CYBC1: variants seen among roughly 807,000 people sequenced by gnomAD.
The protein encoded by CYBC1 is essential for reactive oxygen species protein.
A neutral mutation model predicts 21.7 loss-of-function variants in CYBC1; 22 were observed. The ratio of observed to expected loss-of-function variants is 1.02; its 90% CI spans 0.73 to 1.45. The LOEUF (loss-of-function observed/expected upper bound fraction) is 1.45. Among genes scored for constraint, CYBC1 ranks in the 40% most tolerant of loss-of-function variants. CYBC1 has a pLI of 0.00. For synonymous variants in CYBC1, 112 were observed against 98.7 expected (o/e 1.13, Z -0.80); for missense variants, 237 against 242.1 (o/e 0.98, Z 0.14).
At chr17:82,450,602 C>T (rs2054534703) in intron 1 of CYBC1, 98 bp downstream of exon 1, 2 of 152,254 alleles carry the variant, frequency 1.3e-5, no homozygotes, top group Non-Finnish European at 2.9e-5. Flanking sequence ...GCAGGCGGGC[C>T]CAGGACGCAG....
At chr17:82,444,868 T>G (rs1486647742) in intron 5 of CYBC1, 2 of 459,830 alleles carry the variant, frequency 4.3e-6, no homozygotes, top group East Asian at 7.4e-5. Flanking sequence ...GGGGACCCGC[T>G]CAGCGCGAGG....
intron 4 of CYBC1, 24 bp from the exon 5 acceptor site, chr17:82,445,984 A>G (rs2054264495): frequency 6.2e-7 from 1 of 1,605,494 alleles, no homozygotes; most frequent in Admixed American, 1.7e-5. Flanking sequence ...TGCACTGACC[A>G]CCATGAACCT....
chr17:82,449,153 G>A lies in CYBC1; in HGVS notation c.85+17C>T. ...TTCCGGTTCTGGGGTTCTGGGGAGG[G>A]ACGTGGAGAGCCTTACCAACCAGCA... On this transcript the variant is annotated intron_variant, in intron 2 of 6. Transcript: ENST00000306645. 6.5e-7 allele frequency: 1 copy of A among 1,545,880 alleles called. No individual in the cohort carries two copies. Among genetic ancestry groups the A allele is most frequent in the Non-Finnish European group, 8.7e-7 (1 of 1,147,424 alleles).
chr17:82,447,744 T>G, intron 2 of CYBC1, 123 bp from the exon 3 acceptor site: 2 of 883,402 alleles, frequency 2.3e-6, no homozygotes, highest in Non-Finnish European at 1.8e-6. Context: ...ACAGCTGTGG[T>G]CAGGGGTTAC....
intron 3 of CYBC1, chr17:82,447,331 T>G (rs370597184): frequency 3.2e-5 from 17 of 533,442 alleles, no homozygotes; most frequent in African/African-American, 6.1e-5. Context: ...CCAGCCTGGG[T>G]GACAGAGCGA....
At chr17:82,447,160 C>G (rs867388468) in intron 3 of CYBC1, 5 of 298,992 alleles carry the variant, frequency 1.7e-5, no homozygotes, top group Admixed American at 5.0e-5. Flanking sequence ...GAGACCATCC[C>G]GGCTAAAACG....
At chr17:82,444,898 T>G in intron 5 of CYBC1, 1 of 291,168 alleles carries the variant, frequency 3.4e-6, no homozygotes, top group Non-Finnish European at 6.5e-6. Flanking sequence ...CACTGCACTG[T>G]TCCTCCAGGT....
rs913590337 is a variant in CYBC1 at position 82,447,214 on chromosome 17, G to A, written c.127+366C>T. On this transcript the variant is annotated intron_variant, in intron 3 of 6. Transcript: ENST00000306645. ...TAAAAATACAAAAAATTAGCCGGGC[G>A]TAGTGGCGGGCGCCTGTAGTCCCAG... 2.0e-3 allele frequency: 708 copies of A among 347,960 alleles called. 6 individuals carry two copies. Among genetic ancestry groups the A allele is most frequent in the African/African-American group, 0.015 (673 of 45,708 alleles). 21.6% of individuals were successfully genotyped at this position (347,960 alleles called of 1,614,324 possible).
In CYBC1 at chr17:82,446,618, C is replaced by A. The variant is rs746747466; in HGVS notation, c.201+5G>T. 2 of 1,614,130 alleles carry A rather than the reference C, an allele frequency of 1.2e-6. No homozygotes were observed. The highest frequency in any genetic ancestry group is 1.7e-6 in the Non-Finnish European group (2 of 1,180,006). The stretch of plus-strand genomic sequence containing the variant: ...GACTCTGTCCCGCACCCGAGCCGGC[C>A]TTACCTCCCAGTCCTCCAAGTTCTG... On this transcript the variant is annotated splice_donor_5th_base_variant and intron_variant, in intron 4 of 6. Coordinates refer to ENST00000306645, the MANE Select transcript of CYBC1 (RefSeq NM_001033046.4).
rs1414592682 is a variant in CYBC1, at chr17:82,447,588, T to C, written c.119A>G (p.Tyr40Cys). ...GGCGGGGGGTGCTTTACCTCCGCTG[T>C]AGTAGGCAGCAGCCAGGCCAATCGA... Reference protein sequence around the residue: ...ILSIGLAAAYYSGDSLGWKLF... With the variant: ...ILSIGLAAAYCSGDSLGWKLF... The change falls in exon 3 of 7, where the codon TAC (tyrosine) becomes TGC (cysteine). Residue 40 changes from tyrosine (Y) to cysteine (C), a missense_variant. By Grantham distance (194) the Tyr-to-Cys change is radical. Transcript: ENST00000306645. The C allele has an allele frequency of 6.2e-6, 10 of 1,601,288 alleles. No individual in the cohort carries two copies. Among genetic ancestry groups the C allele is most frequent in the African/African-American group, 1.3e-5 (1 of 74,852 alleles).
At chr17:82,449,673 G>A in intron 1 of CYBC1, 1 of 175,060 alleles carries the variant, frequency 5.7e-6, no homozygotes, top group South Asian at 1.9e-4. Context: ...CCCTGTGCTG[G>A]CCTCCACCAA....
In CYBC1 at chr17:82,443,870, C is replaced by A; in HGVS notation, c.*134G>T. The A allele has an allele frequency of 3.4e-6, 2 of 593,022 alleles. No homozygotes were observed. Among genetic ancestry groups the A allele is most frequent in the Non-Finnish European group, 5.9e-6 (2 of 336,412 alleles). 36.7% of individuals were successfully genotyped at this position (593,022 alleles called of 1,614,324 possible). ...GGCACACCGGGAATGTGCCACGGGTCCTGTGGGCGGTGCACGGGCTCAGGC... is the reference window on the plus strand; with the variant it reads ...GGCACACCGGGAATGTGCCACGGGTACTGTGGGCGGTGCACGGGCTCAGGC... On this transcript the variant is annotated 3_prime_UTR_variant, in exon 7 of 7. Coordinates refer to ENST00000306645, the MANE Select transcript of CYBC1 (RefSeq NM_001033046.4). This position sits in a 1 kb window ranked among gnomAD's most constrained non-coding sequence, Gnocchi z 6.7.
In CYBC1 at chr17:82,445,843, C is replaced by T. The variant is rs951749410; in HGVS notation, c.298+21G>A. ...CGCCTCTGTGGCCGTGTCCCATGTC[C>T]CCACGCTCCCCACGACTCACCCTGG... is the stretch of plus-strand genomic sequence containing the variant. On this transcript the variant is annotated intron_variant, in intron 5 of 6. Coordinates refer to ENST00000306645, the MANE Select transcript of CYBC1 (RefSeq NM_001033046.4). 1.9e-6 allele frequency: 3 copies of T among 1,584,586 alleles called. No individual in the cohort carries two copies. In the Admixed American group the frequency reaches 5.3e-5, roughly 28 times the overall value.
chr17:82,444,520 A>G lies in CYBC1; in HGVS notation c.370T>C (p.Tyr124His). 1 of 1,614,102 alleles carries G rather than the reference A, an allele frequency of 6.2e-7. No homozygotes were observed. The highest frequency in any genetic ancestry group is 8.5e-7 in the Non-Finnish European group (1 of 1,180,000). ...GTCGCAAGCCGGAGCACCACCATGT[A>G]GCCTTTCCCGAAGTACCGGACCTTC... ...EEKVRYFGKG[Y>H]MVVLRLATGF... The change falls in exon 6 of 7, where the codon TAC (tyrosine) becomes CAC (histidine). Residue 124 changes from tyrosine (Y) to histidine (H), a missense_variant. Transcript: ENST00000306645.
At position 82,443,530 on chromosome 17, in the gene CYBC1, T is replaced by G. The variant is rs749494012; in HGVS notation, c.*474A>C. 2.0e-4 allele frequency: 139 copies of G among 700,788 alleles called. No homozygotes were observed. Among genetic ancestry groups the G allele is most frequent in the Non-Finnish European group, 3.2e-4 (124 of 384,382 alleles). 43.4% of individuals were successfully genotyped at this position (700,788 alleles called of 1,614,324 possible). ...GCTGTGTCGGGGACAACATGCAGCA[T>G]CAGCACCCACAAGGGCCCGGCCTGG... On this transcript the variant is annotated 3_prime_UTR_variant, in exon 7 of 7. Transcript: ENST00000306645. The surrounding 1 kb of genome is among the most constrained non-coding windows in gnomAD (Gnocchi z 6.7).
Position 82,445,822 on chromosome 17 carries a change from T to C in CYBC1, c.298+42A>G, listed in dbSNP as rs776150044. 17 of 1,499,740 alleles carry C rather than the reference T, an allele frequency of 1.1e-5. No individual in the cohort carries two copies. The South Asian group carries it at 1.8e-4, about 16-fold the overall frequency. The allele number at this position is 1,499,740 out of a possible 1,614,324, so 92.9% of individuals were successfully genotyped here. Reference sequence around the variant, plus strand: ...CACCCAGACGCCCAAGTGCGCCGCCTCTGTGGCCGTGTCCCATGTCCCCAC... The same window carrying C: ...CACCCAGACGCCCAAGTGCGCCGCCCCTGTGGCCGTGTCCCATGTCCCCAC... On this transcript the variant is annotated intron_variant, in intron 5 of 6. Coordinates refer to ENST00000306645, the MANE Select transcript of CYBC1 (RefSeq NM_001033046.4).
Position 82,449,304 on chromosome 17 carries a change from C to T in CYBC1, c.-38-12G>A. The T allele has an allele frequency of 1.4e-6, 2 of 1,442,226 alleles. No individual in the cohort carries two copies. The highest frequency in any genetic ancestry group is 1.9e-6 in the Non-Finnish European group (2 of 1,079,528). 89.3% of individuals were successfully genotyped at this position (1,442,226 alleles called of 1,614,324 possible). ...ACAGGAGGAGGGGTCTGGGAACAGA[C>T]AGAGGCAGCTGAGCCCTTGGGCCTG... On this transcript the variant is annotated splice_polypyrimidine_tract_variant and intron_variant, in intron 1 of 6. Coordinates refer to ENST00000306645, the MANE Select transcript of CYBC1 (RefSeq NM_001033046.4).
rs1178578310 is a variant in CYBC1, at chr17:82,442,731, T to C, written c.*1273A>G. Reference sequence around the variant, plus strand: ...CTACTGAGGAGGAGGGTCCCATCTCTCTCCTGTCGGCTTTCACCGAGGTCA... The same window carrying C: ...CTACTGAGGAGGAGGGTCCCATCTCCCTCCTGTCGGCTTTCACCGAGGTCA... On this transcript the variant is annotated 3_prime_UTR_variant, in exon 7 of 7. Transcript: ENST00000306645. This position sits in a 1 kb window ranked among gnomAD's most constrained non-coding sequence, Gnocchi z 6.8. 6 of 819,734 alleles carry C rather than the reference T, an allele frequency of 7.3e-6. No homozygotes were observed. In the East Asian group the frequency reaches 1.6e-4, roughly 21 times the overall value. 50.8% of individuals were successfully genotyped at this position (819,734 alleles called of 1,614,324 possible).
At position 82,443,479 on chromosome 17, in the gene CYBC1, C is replaced by T. The variant is rs1171838448; in HGVS notation, c.*525G>A. ...CTGCCCTTGGGGAAGCACCTGACCGCTGGGGATGTCCACCAGGGAGAGGAC... is the reference window on the plus strand; with the variant it reads ...CTGCCCTTGGGGAAGCACCTGACCGTTGGGGATGTCCACCAGGGAGAGGAC... On this transcript the variant is annotated 3_prime_UTR_variant, in exon 7 of 7. Transcript: ENST00000306645. The surrounding 1 kb of genome is among the most constrained non-coding windows in gnomAD (Gnocchi z 6.7). 2 of 686,650 alleles carry T rather than the reference C, an allele frequency of 2.9e-6. No homozygotes were observed. The highest frequency in any genetic ancestry group is 2.8e-5 in the East Asian group (1 of 36,330). The allele number at this position is 686,650 out of a possible 1,614,324, so 42.5% of individuals were successfully genotyped here.
Sources: allele counts gnomAD v4.1 joint callset, GRCh38; gene constraint gnomAD v4.1.1; non-coding constraint Gnocchi (gnomAD v3.1); transcripts MANE v1.5; gene names NCBI Gene and HGNC (gene_info 2026-07-23, HGNC 2026-07-21).